Variants in TMEM164 observed in about 807,000 individuals in gnomAD.
TMEM164 encodes RP13-360B22.2.
In TMEM164, 4 loss-of-function variants were observed where a neutral mutation model predicts 18.8. That is an observed-to-expected ratio of 0.21 (90% CI 0.10 to 0.49). TMEM164 has a LOEUF of 0.49. Ranked by LOEUF, TMEM164 falls within the 20% of genes least tolerant of loss-of-function variation. The probability of loss-of-function intolerance (pLI) is 0.98; values close to 1 mark genes in which losing one functional copy is unlikely to be tolerated. For missense variants in TMEM164, 108 were observed against 239.9 expected, an observed-to-expected ratio of 0.45 and a Z score of 3.63; for synonymous variants, 86 against 101.7, an observed-to-expected ratio of 0.85 and a Z score of 0.93.
At chrX:110,068,269 C>G (rs745444054) in intron 3 of TMEM164, among the ~76,000 whole-genome samples, 7 of 112,069 alleles carry the variant, frequency 6.2e-5, no homozygotes, top group Non-Finnish European at 1.3e-4. Flanking sequence ...CAAATAGCTC[C>G]CTGAAATAGC....
At chrX:110,126,732 G>A (rs753989196) in intron 4 of TMEM164, among the ~76,000 whole-genome samples, 1 of 110,167 alleles carries the variant, frequency 9.1e-6, no homozygotes, top group Admixed American at 9.7e-5. Flanking sequence ...TCACCTTAGT[G>A]TAGTTGTTGA....
At chrX:110,080,888 A>ATTTTTT (rs367869176) in intron 3 of TMEM164, among the ~76,000 whole-genome samples, 1 of 74,571 alleles carries the variant, frequency 1.3e-5, no homozygotes, top group African/African-American at 7.6e-5. Flanking sequence ...CTAGCTAATA[A>ATTTTTT]TTTTTTTTTT....
At chrX:110,150,072 T>C (rs1052737521) in intron 5 of TMEM164, among the ~76,000 whole-genome samples, 37 of 111,759 alleles carry the variant, frequency 3.3e-4, no homozygotes, top group African/African-American at 1.1e-3. Context: ...AAATATCACA[T>C]GAATTTATAG....
chrX:110,066,702 T>C (rs1180943475), intron 2 of TMEM164, among the ~76,000 whole-genome samples: 1 of 111,926 alleles, frequency 8.9e-6, no homozygotes, highest in East Asian at 2.8e-4. Flanking sequence ...ACACCAGGTA[T>C]CAGGGAACTG....
chrX:110,101,046 C>T lies in TMEM164; in HGVS notation c.441-8034C>T, dbSNP rs1266655633. ...TTCTTCCCTCATCTTCTTCTTTTTC[C>T]TCTATTTTCTTCTTCTCTTCCTCTC... is the stretch of plus-strand genomic sequence containing the variant. On this transcript the variant is annotated intron_variant, in intron 3 of 6. Coordinates refer to ENST00000372068, the MANE Select transcript of TMEM164 (RefSeq NM_032227.4). 6.4e-5 allele frequency among the ~76,000 whole-genome samples: 7 copies of T among 108,577 alleles called. No homozygotes were observed. The East Asian group carries it at 8.6e-4, about 13-fold the overall frequency. The allele number at this position is 108,577 out of a possible 115,157, so 94.3% of individuals were successfully genotyped here.
chrX:110,126,763 T>A (rs1253972950), intron 4 of TMEM164, among the ~76,000 whole-genome samples: 1 of 109,269 alleles, frequency 9.2e-6, no homozygotes, highest in Non-Finnish European at 1.9e-5. Flanking sequence ...AGGGATTTTC[T>A]AGAAAATAAA....
At chrX:110,112,896 TAC>T (rs2066310360) in intron 4 of TMEM164, among the ~76,000 whole-genome samples, 1 of 111,706 alleles carries the variant, frequency 9.0e-6, no homozygotes, top group African/African-American at 3.3e-5. Context: ...GCAGATACTG[TAC>T]AGTCACATTC....
At chrX:110,152,051 C>CT (rs2066947388) in intron 5 of TMEM164, among the ~76,000 whole-genome samples, 2 of 88,677 alleles carry the variant, frequency 2.3e-5, no homozygotes, top group African/African-American at 9.7e-5. Flanking sequence ...TTTTTCTTTT[C>CT]TTTTCTTTTT....
intron 2 of TMEM164, among the ~76,000 whole-genome samples, chrX:110,037,206 G>A (rs891949324): frequency 1.4e-4 from 16 of 111,189 alleles, no homozygotes; most frequent in Admixed American, 1.3e-3. Flanking sequence ...GGGAGATGAT[G>A]CCAGATTGGT....
chrX:110,095,793 C>G (rs757735896), intron 3 of TMEM164, among the ~76,000 whole-genome samples: 2 of 112,316 alleles, frequency 1.8e-5, no homozygotes, highest in South Asian at 7.3e-4. Flanking sequence ...CTTTTCTGCT[C>G]TGGTTTCTCC....
At chrX:110,119,489 C>T (rs548723830) in intron 4 of TMEM164, among the ~76,000 whole-genome samples, 4 of 111,700 alleles carry the variant, frequency 3.6e-5, no homozygotes, top group African/African-American at 1.3e-4. Context: ...AATCATTGAG[C>T]AGTAACAACT....
At chrX:110,140,748 G>T (rs1279645958) in intron 4 of TMEM164, among the ~76,000 whole-genome samples, 2 of 112,326 alleles carry the variant, frequency 1.8e-5, no homozygotes, top group Non-Finnish European at 3.8e-5. Context: ...ATTGATGCAG[G>T]ACTTTTTGTC....
chrX:110,164,331 A>G (rs1243310407), intron 5 of TMEM164, among the ~76,000 whole-genome samples: 1 of 111,620 alleles, frequency 9.0e-6, no homozygotes, highest in African/African-American at 3.3e-5. Flanking sequence ...ATTTAAGGAC[A>G]GAAAAGGGAG....
intron 3 of TMEM164, among the ~76,000 whole-genome samples, chrX:110,069,727 C>T: frequency 9.1e-6 from 1 of 109,967 alleles, no homozygotes. Flanking sequence ...CCTATACTGA[C>T]TTTGTTGATG....
chrX:110,051,323 A>T (rs1602533103), intron 2 of TMEM164, among the ~76,000 whole-genome samples: 1 of 110,124 alleles, frequency 9.1e-6, no homozygotes, highest in South Asian at 3.9e-4. Context: ...GGCCCCAGGA[A>T]TTTTTTTTTC....
chrX:110,050,256 A>T (rs1306570336), intron 2 of TMEM164, among the ~76,000 whole-genome samples: 3 of 111,016 alleles, frequency 2.7e-5, no homozygotes, highest in Non-Finnish European at 5.7e-5. Context: ...GGCCATTTGC[A>T]TGTGTCTTAA....
intron 2 of TMEM164, among the ~76,000 whole-genome samples, chrX:110,046,836 A>G (rs1284037184): frequency 8.9e-6 from 1 of 112,011 alleles, no homozygotes; most frequent in Non-Finnish European, 1.9e-5. Flanking sequence ...AAATATCCAC[A>G]ATAGCATTTC....
Position 110,177,762 on chromosome X carries a change from T to C in TMEM164, c.*4311T>C, listed in dbSNP as rs1442374738. The C allele has an allele frequency of 2.7e-5, 3 of 112,069 alleles. No individual in the cohort carries two copies. The highest frequency in any genetic ancestry group is 9.4e-5 in the Admixed American group (1 of 10,611). The allele number at this position is 112,069 out of a possible 1,213,427, so 9.2% of individuals were successfully genotyped here. A position where few individuals can be genotyped will look rare whatever the true frequency, so the allele number is the denominator to read the frequency against. ...GCTTACTGTTATAATGTTTCTTCAT[T>C]TACTGTTATTAAAAGATTTATGAGA... is the stretch of plus-strand genomic sequence containing the variant. On this transcript the variant is annotated 3_prime_UTR_variant, in exon 7 of 7. Transcript: ENST00000372068.
chrX:110,070,453 GT>G (rs1352433399), intron 3 of TMEM164, among the ~76,000 whole-genome samples: 2 of 112,284 alleles, frequency 1.8e-5, no homozygotes, highest in Non-Finnish European at 3.8e-5. Context: ...ATATATTTCA[GT>G]TTTTAAATTA....
Sources: gnomAD v4.1 joint callset for allele counts (sites outside exome capture counted in the v4.1 genomes callset) on GRCh38, gnomAD v4.1.1 for gene constraint, MANE v1.5 for transcripts, NCBI Gene and HGNC (gene_info 2026-07-23, HGNC 2026-07-21) for gene names.